The following ARHGEF11 variants were observed in gnomAD, a reference collection of about 807,000 sequenced individuals.
The protein encoded by ARHGEF11 is Rho guanine exchange factor (GEF) 11.
ARHGEF11 carries 55 observed loss-of-function variants against 193.7 expected under a neutral mutation model. The ratio of observed to expected loss-of-function variants is 0.28; its 90% CI spans 0.23 to 0.36. ARHGEF11 has a LOEUF of 0.36. Ranked by LOEUF, ARHGEF11 falls within the 10% of genes least tolerant of loss-of-function variation. The pLI is 1.00. For synonymous variants in ARHGEF11, 693 were observed against 768.0 expected, an observed-to-expected ratio of 0.90 and a Z score of 1.62; for missense variants, 1,723 against 2,005.6, an observed-to-expected ratio of 0.86 and a Z score of 2.69.
intron 19 of ARHGEF11, 150 bp downstream of exon 19, chr1:156,956,270 C>T (rs1483846218): frequency 3.9e-6 from 3 of 769,496 alleles, no homozygotes; most frequent in African/African-American, 3.5e-5. Context: ...GCATGCACCA[C>T]TATGCTGGAC....
intron 8 of ARHGEF11, among the ~76,000 whole-genome samples, chr1:156,970,476 T>C (rs893639523): frequency 1.3e-5 from 2 of 152,226 alleles, no homozygotes; most frequent in African/African-American, 4.8e-5. Context: ...AAGGAAGCGA[T>C]GTTGATAGTG....
intron 1 of ARHGEF11, among the ~76,000 whole-genome samples, chr1:157,003,880 T>C (rs1262102571): frequency 6.6e-6 from 1 of 152,228 alleles, no homozygotes; most frequent in Non-Finnish European, 1.5e-5. Flanking sequence ...GTTAAGAGAT[T>C]AAATGGTAGA....
chr1:156,971,839 AG>A (rs774563318), intron 7 of ARHGEF11, 23 bp from the exon 8 acceptor site: 2 of 1,603,850 alleles, frequency 1.2e-6, no homozygotes, highest in African/African-American at 2.7e-5. Flanking sequence ...GAGGAGGAGA[AG>A]GGGGAGGGGA....
intron 25 of ARHGEF11, 37 bp from the exon 26 acceptor site, chr1:156,947,487 G>T: frequency 6.5e-7 from 1 of 1,542,430 alleles, no homozygotes. Context: ...TAGAAAGCCA[G>T]GGAGAAAACG....
Position 156,948,811 on chromosome 1 carries a change from C to T in ARHGEF11, c.1926-313G>A. On this transcript the variant is annotated intron_variant, in intron 22 of 40. Transcript: ENST00000368194. This position sits in a 1 kb window ranked among gnomAD's most constrained non-coding sequence, Gnocchi z 4.2. ...TAACAGACTCTGAGTTGTAGTGTGT[C>T]CAGAGGCCTGAGACACCATGCTTCT... 1.0e-6 allele frequency: 1 copy of T among 985,398 alleles called. No individual in the cohort carries two copies. The highest frequency in any genetic ancestry group is 1.7e-5 in the African/African-American group (1 of 57,348). The allele number at this position is 985,398 out of a possible 1,614,324, so 61.0% of individuals were successfully genotyped here.
chr1:157,013,439 C>T (rs1005118194), intron 1 of ARHGEF11, among the ~76,000 whole-genome samples: 1 of 152,086 alleles, frequency 6.6e-6, no homozygotes, highest in Non-Finnish European at 1.5e-5. Flanking sequence ...CCTCAAGCCC[C>T]TATGAATTCC....
rs150855989 is a variant in ARHGEF11, at chr1:157,002,214, T to C, written c.33-16041A>G. On this transcript the variant is annotated intron_variant, in intron 1 of 40. Coordinates refer to ENST00000368194, the MANE Select transcript of ARHGEF11 (RefSeq NM_198236.3). Reference sequence around the variant, plus strand: ...TAATGGACCACCTCGAACAGGGCAATACTAGCATTTCAACTGGGAAACTGC... The same window carrying C: ...TAATGGACCACCTCGAACAGGGCAACACTAGCATTTCAACTGGGAAACTGC... Among the ~76,000 whole-genome samples, 5 of 152,186 alleles carry C rather than the reference T, an allele frequency of 3.3e-5. No homozygotes were observed. In the East Asian group the frequency reaches 9.7e-4, roughly 29 times the overall value.
rs1244911159 is a variant in ARHGEF11 at position 156,934,958 on chromosome 1, T to C, written c.*1042A>G. 6.8e-6 allele frequency: 1 copy of C among 148,144 alleles called. No individual in the cohort carries two copies. The highest frequency in any genetic ancestry group is 2.5e-5 in the African/African-American group (1 of 40,744). The allele number at this position is 148,144 out of a possible 1,614,324, so 9.2% of individuals were successfully genotyped here. The stretch of plus-strand genomic sequence containing the variant: ...TTCCATATCTATATTTTATATATTA[T>C]ATATATATTTATATATATATATATG... On this transcript the variant is annotated 3_prime_UTR_variant, in exon 41 of 41. Coordinates refer to ENST00000368194, the MANE Select transcript of ARHGEF11 (RefSeq NM_198236.3).
At chr1:156,955,944 C>A in intron 19 of ARHGEF11, 145 bp from the exon 20 acceptor site, 2 of 711,196 alleles carry the variant, frequency 2.8e-6, no homozygotes, top group South Asian at 1.6e-5. Context: ...CAAGCATGTT[C>A]GCCTCTGGCC....
intron 4 of ARHGEF11, 89 bp from the exon 5 acceptor site, chr1:156,979,375 T>TA (rs1298517627): frequency 8.7e-7 from 1 of 1,149,266 alleles, no homozygotes; most frequent in Non-Finnish European, 1.3e-6. Context: ...TTTTTTTTTT[T>TA]TTTTTTTTGA....
rs1663638522 is a variant in ARHGEF11 at position 156,978,779 on chromosome 1, ATTCT to A, written c.332-401_332-398del. Among the ~76,000 whole-genome samples, 2 of 152,218 alleles carry A rather than the reference ATTCT, an allele frequency of 1.3e-5. 1 individual carries two copies. Among genetic ancestry groups the A allele is most frequent in the Admixed American group, 1.3e-4 (2 of 15,286 alleles). Reference sequence around the variant, plus strand: ...CTCCCCAAACTTCCCACATTCTTCAATTCTTTCTTCAACATTTGTTGTTTCTATT... The same window carrying A: ...CTCCCCAAACTTCCCACATTCTTCAATTCTTCAACATTTGTTGTTTCTATT... On this transcript the variant is annotated intron_variant, in intron 5 of 40. Transcript: ENST00000368194.
intron 1 of ARHGEF11, among the ~76,000 whole-genome samples, chr1:157,003,731 T>G (rs1479160303): frequency 6.6e-6 from 1 of 152,200 alleles, no homozygotes; most frequent in Non-Finnish European, 1.5e-5. Context: ...AGACAACTAT[T>G]TATACGTCTG....
rs1362861735 is a variant in ARHGEF11, at chr1:156,935,733, G to A, written c.*267C>T. 6.3e-6 allele frequency: 3 copies of A among 474,768 alleles called. No individual in the cohort carries two copies. The South Asian group carries it at 9.8e-5, about 15-fold the overall frequency. 29.4% of individuals were successfully genotyped at this position (474,768 alleles called of 1,614,324 possible). A position where few individuals can be genotyped will look rare whatever the true frequency, so the allele number is the denominator to read the frequency against. On this transcript the variant is annotated 3_prime_UTR_variant, in exon 41 of 41. Coordinates refer to ENST00000368194, the MANE Select transcript of ARHGEF11 (RefSeq NM_198236.3). Reference sequence around the variant, plus strand: ...GGGTGAGGGCAGACCATGGTGAGTGGGGGCCTTTCGGATGCAGTCAGCATG... The same window carrying A: ...GGGTGAGGGCAGACCATGGTGAGTGAGGGCCTTTCGGATGCAGTCAGCATG...
chr1:157,010,783 C>T (rs377367751), intron 1 of ARHGEF11, among the ~76,000 whole-genome samples: 106 of 151,898 alleles, frequency 7.0e-4, no homozygotes, highest in East Asian at 3.7e-3. Flanking sequence ...ATATTAATAG[C>T]GGCAAAAAGA....
intron 12 of ARHGEF11, 74 bp from the exon 13 acceptor site, chr1:156,963,378 T>A: frequency 6.6e-7 from 1 of 1,504,358 alleles, no homozygotes; most frequent in Non-Finnish European, 9.2e-7. Context: ...AGCTCCCATG[T>A]GATTCCCCGT....
intron 1 of ARHGEF11, among the ~76,000 whole-genome samples, chr1:157,001,979 T>C (rs989375518): frequency 2.6e-5 from 4 of 152,244 alleles, no homozygotes; most frequent in African/African-American, 7.2e-5. Flanking sequence ...ATTTGGATTA[T>C]GGTCTTAGTT....
intron 7 of ARHGEF11, 101 bp downstream of exon 7, chr1:156,976,882 G>C (rs1256910289): frequency 9.6e-7 from 1 of 1,041,140 alleles, no homozygotes. Context: ...TACTGTGATA[G>C]GATATTGCCT....
chr1:156,965,056 A>T (rs184347802), intron 11 of ARHGEF11, among the ~76,000 whole-genome samples: 129 of 152,330 alleles, frequency 8.5e-4, no homozygotes, highest in African/African-American at 3.0e-3. Context: ...TGCTGCTGAC[A>T]GTTTTATGGA....
At chr1:156,963,144 G>C (rs971846325) in intron 13 of ARHGEF11, 59 bp downstream of exon 13, 2 of 1,335,254 alleles carry the variant, frequency 1.5e-6, no homozygotes, top group Admixed American at 3.5e-5. Flanking sequence ...ACAGAGGCTA[G>C]AGGTCCTCTC....
Sources: allele counts gnomAD v4.1 joint callset (sites outside exome capture counted in the v4.1 genomes callset), GRCh38; gene constraint gnomAD v4.1.1; non-coding constraint Gnocchi (gnomAD v3.1); transcripts MANE v1.5; gene names NCBI Gene and HGNC (gene_info 2026-07-23, HGNC 2026-07-21).